PGBD5: variants seen among roughly 807,000 people sequenced by gnomAD.
PGBD5 encodes piggyBac transposable element-derived protein 5.
PGBD5 carries 14 observed loss-of-function variants against 47.9 expected under a neutral mutation model. That is an observed-to-expected ratio of 0.29 (90% CI 0.19 to 0.46). The LOEUF is 0.46. Ranked by LOEUF, PGBD5 falls within the 20% of genes least tolerant of loss-of-function variation. The pLI is 1.00. For synonymous variants in PGBD5, 316 were observed against 306.3 expected, an observed-to-expected ratio of 1.03 and a Z score of -0.33; for missense variants, 635 against 716.0, an observed-to-expected ratio of 0.89 and a Z score of 1.29.
intron 1 of PGBD5, among the ~76,000 whole-genome samples, chr1:230,393,385 G>A (rs941541459): frequency 2.6e-5 from 4 of 151,970 alleles, no homozygotes; most frequent in Non-Finnish European, 5.9e-5. Context: ...AGGAGGAGGA[G>A]AGCAGGCGGA....
intron 1 of PGBD5, among the ~76,000 whole-genome samples, chr1:230,374,343 G>A (rs1015232228): frequency 2.0e-5 from 3 of 152,128 alleles, no homozygotes; most frequent in Non-Finnish European, 4.4e-5. Context: ...CTTGAACCCG[G>A]GTGGCAGAGG....
At chr1:230,398,472 C>T (rs944816361) in intron 1 of PGBD5, among the ~76,000 whole-genome samples, 3 of 152,154 alleles carry the variant, frequency 2.0e-5, no homozygotes, top group Non-Finnish European at 4.4e-5. Flanking sequence ...CCTTAATTAC[C>T]TTTTAAAGAC....
At chr1:230,331,479 T>C (rs527640933) in intron 5 of PGBD5, among the ~76,000 whole-genome samples, 2 of 152,194 alleles carry the variant, frequency 1.3e-5, no homozygotes, top group East Asian at 3.9e-4. Flanking sequence ...CTCTCAAACA[T>C]GTTCCCTGGA....
At chr1:230,407,618 G>T (rs564542277) in intron 1 of PGBD5, among the ~76,000 whole-genome samples, 1 of 152,240 alleles carries the variant, frequency 6.6e-6, no homozygotes, top group Admixed American at 6.5e-5. Flanking sequence ...TCATGAGAGC[G>T]TAAGTGTTCC....
At chr1:230,402,588 G>A (rs555946979) in intron 1 of PGBD5, among the ~76,000 whole-genome samples, 3 of 152,208 alleles carry the variant, frequency 2.0e-5, no homozygotes, top group African/African-American at 7.2e-5. Flanking sequence ...CAAGTAGGTA[G>A]GACTACAGGT....
chr1:230,335,800 G>GGTAC (rs369650970), intron 4 of PGBD5, among the ~76,000 whole-genome samples: 42 of 2,762 alleles, frequency 0.015, no homozygotes, highest in African/African-American at 0.032. Flanking sequence ...CAGGCACAAA[G>GGTAC]ACACACAGAC....
rs76148026 is a variant in PGBD5 at position 230,371,986 on chromosome 1, T to C, written c.332-14665A>G. Among the ~76,000 whole-genome samples, 587 of 152,208 alleles carry C rather than the reference T, an allele frequency of 3.9e-3. 4 individuals are homozygous for C. The highest frequency in any genetic ancestry group is 0.014 in the African/African-American group (565 of 41,536). On this transcript the variant is annotated intron_variant, in intron 1 of 6. Coordinates refer to ENST00000391860, the MANE Select transcript of PGBD5 (RefSeq NM_001258311.2). ...AATGGAAGAGGAGGGGATGGGAATA[T>C]AAAAGGTTCCCGTGGACAGGAAGCC...
At chr1:230,418,772 G>C (rs1181273090) in intron 1 of PGBD5, among the ~76,000 whole-genome samples, 1 of 152,164 alleles carries the variant, frequency 6.6e-6, no homozygotes, top group African/African-American at 2.4e-5. Flanking sequence ...TACAGGCTAG[G>C]CATGAGCCAC....
chr1:230,390,746 TTTTG>T (rs201127967), intron 1 of PGBD5, among the ~76,000 whole-genome samples: 26 of 151,992 alleles, frequency 1.7e-4, no homozygotes, highest in East Asian at 1.5e-3. Context: ...TGCCAGTTTT[TTTTG>T]TTTGTTTGTT....
At chr1:230,335,596 CACAT>C (rs1281918014) in intron 4 of PGBD5, among the ~76,000 whole-genome samples, 1 of 59,118 alleles carries the variant, frequency 1.7e-5, no homozygotes, top group African/African-American at 4.4e-5. Context: ...CACACAGATA[CACAT>C]ACAGACACAG....
intron 1 of PGBD5, among the ~76,000 whole-genome samples, chr1:230,396,241 C>CTTCCCTTTTA (rs1451208155): frequency 2.0e-4 from 2 of 10,096 alleles, no homozygotes; most frequent in East Asian, 5.0e-3. Flanking sequence ...CCCCCACACT[C>CTTCCCTTTTA]CTCCCTTTTA....
chr1:230,360,541 G>A (rs1421712992), intron 1 of PGBD5, among the ~76,000 whole-genome samples: 4 of 152,082 alleles, frequency 2.6e-5, no homozygotes, highest in Non-Finnish European at 2.9e-5. Context: ...TGCTGTTCTC[G>A]TGATAGTGAG....
intron 1 of PGBD5, among the ~76,000 whole-genome samples, chr1:230,400,319 A>G (rs1382145174): frequency 5.9e-5 from 9 of 152,190 alleles, no homozygotes; most frequent in African/African-American, 2.2e-4. Context: ...TAATTCTGCA[A>G]CAGACGCCTT....
At chr1:230,405,504 A>G (rs2102745001) in intron 1 of PGBD5, among the ~76,000 whole-genome samples, 1 of 152,350 alleles carries the variant, frequency 6.6e-6, no homozygotes, top group African/African-American at 2.4e-5. Context: ...CATACAAAAT[A>G]TTTGTTAATT....
chr1:230,351,199 C>CTTAA, intron 2 of PGBD5, 107 bp from the exon 3 acceptor site: 1 of 1,274,796 alleles, frequency 7.8e-7, no homozygotes. Flanking sequence ...GCTCTGTGAC[C>CTTAA]TTAACTAAGT....
intron 5 of PGBD5, among the ~76,000 whole-genome samples, chr1:230,326,696 A>C (rs891512541): frequency 1.3e-5 from 2 of 152,094 alleles, no homozygotes; most frequent in African/African-American, 4.8e-5. Flanking sequence ...GGCTGGTCTC[A>C]AACTCCTGGC....
intron 1 of PGBD5, among the ~76,000 whole-genome samples, chr1:230,388,415 A>ATT (rs1000234500): frequency 1.4e-4 from 19 of 134,482 alleles, no homozygotes; most frequent in South Asian, 9.7e-4. Flanking sequence ...TGTTGGCCAC[A>ATT]TTTTTTTTTT....
intron 1 of PGBD5, among the ~76,000 whole-genome samples, chr1:230,424,685 AAGAACACAGCATGC>A (rs1315229431): frequency 3.3e-5 from 5 of 152,228 alleles, no homozygotes; most frequent in Non-Finnish European, 7.3e-5. Context: ...ACTTCTACGG[AAGAACACAGCATGC>A]AGGAGCACGG....
At chr1:230,406,448 G>C (rs1466351529) in intron 1 of PGBD5, among the ~76,000 whole-genome samples, 3 of 150,648 alleles carry the variant, frequency 2.0e-5, no homozygotes, top group Non-Finnish European at 2.9e-5. Flanking sequence ...AAGAAATTAA[G>C]AGCCTTGAAG....
Sources: gnomAD v4.1 joint callset for allele counts (sites outside exome capture counted in the v4.1 genomes callset) on GRCh38, gnomAD v4.1.1 for gene constraint, MANE v1.5 for transcripts, NCBI Gene and HGNC (gene_info 2026-07-23, HGNC 2026-07-21) for gene names.